AP1S2: variants seen among roughly 807,000 people sequenced by gnomAD.
AP1S2 encodes adaptor related protein complex 1 subunit sigma 2.
A neutral mutation model predicts 14.3 loss-of-function variants in AP1S2; 1 was observed. The observed-to-expected ratio is 0.07, with a 90% confidence interval of 0.02 to 0.33. The LOEUF (loss-of-function observed/expected upper bound fraction) is 0.33, where lower values mean the gene tolerates loss of function less well. AP1S2 is among the 10% of genes least tolerant of loss of function. The pLI, the probability that AP1S2 is intolerant of heterozygous loss-of-function variation, is 0.99. For synonymous variants in AP1S2, 30 were observed against 40.5 expected, an observed-to-expected ratio of 0.74 and a Z score of 0.99; for missense variants, 30 against 117.7, an observed-to-expected ratio of 0.25 and a Z score of 3.45.
chrX:15,843,332 G>A (rs902081020), intron 4 of AP1S2, among the ~76,000 whole-genome samples: 3 of 111,672 alleles, frequency 2.7e-5, no homozygotes, highest in Non-Finnish European at 5.6e-5. Flanking sequence ...AAGGGGGACG[G>A]ATCATTTGAG....
intron 2 of AP1S2, among the ~76,000 whole-genome samples, chrX:15,850,219 CTTAA>C (rs1934131720): frequency 9.0e-6 from 1 of 111,684 alleles, no homozygotes. Context: ...TCAGGCTTCT[CTTAA>C]TGAAAGTCAC....
chrX:15,831,141 C>T (rs372527340), intron 4 of AP1S2: 2 of 734,566 alleles, frequency 2.7e-6, no homozygotes. Context: ...CTTATTTTGA[C>T]CTAGCACTTC....
At chrX:15,835,841 A>G (rs1413869204) in intron 4 of AP1S2, among the ~76,000 whole-genome samples, 1 of 111,027 alleles carries the variant, frequency 9.0e-6, no homozygotes, top group African/African-American at 3.3e-5. Flanking sequence ...ACACTTCTGG[A>G]AAAAAGAGCA....
Position 15,838,446 on chromosome X carries a change from G to A in AP1S2, c.426+6933C>T, listed in dbSNP as rs1370487430. ...AGGAAACAAAAGAAAATGTCAGTAGGTGAAAAAAGGACTCAAACGTGACAT... is the reference window on the plus strand; with the variant it reads ...AGGAAACAAAAGAAAATGTCAGTAGATGAAAAAAGGACTCAAACGTGACAT... On this transcript the variant is annotated intron_variant, in intron 4 of 5. Transcript: ENST00000672987. Among the ~76,000 whole-genome samples, 3 of 109,790 alleles carry A rather than the reference G, an allele frequency of 2.7e-5. No homozygotes were observed. In the East Asian group the frequency reaches 8.5e-4, roughly 31 times the overall value.
chrX:15,837,924 T>A (rs772505239), intron 4 of AP1S2, among the ~76,000 whole-genome samples: 20 of 111,549 alleles, frequency 1.8e-4, no homozygotes, highest in Non-Finnish European at 2.8e-4. Context: ...TTTTTATAGC[T>A]ATTTGTATGT....
At chrX:15,837,925 A>G (rs1377425836) in intron 4 of AP1S2, among the ~76,000 whole-genome samples, 1 of 111,107 alleles carries the variant, frequency 9.0e-6, no homozygotes, top group East Asian at 2.8e-4. Flanking sequence ...TTTTATAGCT[A>G]TTTGTATGTT....
At chrX:15,829,584 A>C (rs1431718536) in intron 4 of AP1S2, among the ~76,000 whole-genome samples, 1 of 111,948 alleles carries the variant, frequency 8.9e-6, no homozygotes, top group East Asian at 2.8e-4. Context: ...CCTTTCTAAA[A>C]GGCCTAGTTT....
At chrX:15,839,222 A>G (rs1405318424) in intron 4 of AP1S2, among the ~76,000 whole-genome samples, 1 of 112,019 alleles carries the variant, frequency 8.9e-6, no homozygotes, top group Non-Finnish European at 1.9e-5. Flanking sequence ...GCTGGCAATA[A>G]AAGACTATAG....
chrX:15,854,717 C>T lies in AP1S2; in HGVS notation c.-30G>A. 1.3e-6 allele frequency: 1 copy of T among 794,256 alleles called. No individual in the cohort carries two copies. The highest frequency in any genetic ancestry group is 6.4e-4 in the Middle Eastern group (1 of 1,568). The allele number at this position is 794,256 out of a possible 1,213,427, so 65.5% of individuals were successfully genotyped here. A position where few individuals can be genotyped will look rare whatever the true frequency, so the allele number is the denominator to read the frequency against. ...GCCGCGGGCCGCGGGCGCGGCGGAG[C>T]TTGGCCGGCGGCGGCGGCGGCGGCG... On this transcript the variant is annotated 5_prime_UTR_variant, in exon 1 of 6. Transcript: ENST00000672987.
intron 4 of AP1S2, chrX:15,840,719 A>C (rs1404448540): frequency 3.5e-6 from 1 of 284,478 alleles, no homozygotes; most frequent in Admixed American, 5.5e-5. Flanking sequence ...ACCACCCCCC[A>C]CCATATCCCT....
intron 4 of AP1S2, among the ~76,000 whole-genome samples, chrX:15,829,200 A>G (rs988698404): frequency 5.4e-5 from 6 of 111,746 alleles, no homozygotes; most frequent in Non-Finnish European, 7.5e-5. Flanking sequence ...GTTTTTTAAG[A>G]AAGTCCAGTG....
Position 15,832,117 on chromosome X carries a change from T to A in AP1S2, c.427-3917A>T, listed in dbSNP as rs764484656. The A allele has an allele frequency of 1.5e-3, 1,155 of 749,656 alleles. 3 individuals carry two copies. Among genetic ancestry groups the A allele is most frequent in the Non-Finnish European group, 1.8e-3 (1,120 of 636,539 alleles). The allele number at this position is 749,656 out of a possible 1,213,427, so 61.8% of individuals were successfully genotyped here. A position where few individuals can be genotyped will look rare whatever the true frequency, so the allele number is the denominator to read the frequency against. On this transcript the variant is annotated intron_variant, in intron 4 of 5. Transcript: ENST00000672987. Reference sequence around the variant, plus strand: ...ACTGAGACTGAGGATATTACTTTTTTAAAAATCCTCAAGACAGATTTTAAC... The same window carrying A: ...ACTGAGACTGAGGATATTACTTTTTAAAAAATCCTCAAGACAGATTTTAAC...
chrX:15,829,515 T>C (rs766802119), intron 4 of AP1S2, among the ~76,000 whole-genome samples: 3 of 111,687 alleles, frequency 2.7e-5, no homozygotes, highest in East Asian at 5.6e-4. Context: ...CAATCTTATA[T>C]AGCATTTCCT....
intron 4 of AP1S2, chrX:15,845,120 A>C (rs1396883810): frequency 2.7e-6 from 2 of 752,557 alleles, no homozygotes; most frequent in East Asian, 3.0e-4. Context: ...CTAAAGGTTT[A>C]GACTCCAGTG....
intron 4 of AP1S2, among the ~76,000 whole-genome samples, chrX:15,842,251 T>C (rs1201858300): frequency 8.9e-6 from 1 of 112,552 alleles, no homozygotes; most frequent in Non-Finnish European, 1.9e-5. Flanking sequence ...TGTAAACTTG[T>C]ATCATGCATC....
At position 15,826,663 on chromosome X, in the gene AP1S2, A is replaced by C. The variant is rs1323971588; in HGVS notation, c.*662T>G. The C allele has an allele frequency of 9.0e-6, 1 of 110,825 alleles. No individual in the cohort carries two copies. Among genetic ancestry groups the C allele is most frequent in the Non-Finnish European group, 1.9e-5 (1 of 52,886 alleles). The allele number at this position is 110,825 out of a possible 1,213,427, so 9.1% of individuals were successfully genotyped here. On this transcript the variant is annotated 3_prime_UTR_variant, in exon 6 of 6. Coordinates refer to ENST00000672987, the MANE Select transcript of AP1S2 (RefSeq NM_001272071.2). Reference sequence around the variant, plus strand: ...CCTTGGCCTTAAAAATTATGTGCTTACTATTGTGAAACAATCCTGTTTCTC... The same window carrying C: ...CCTTGGCCTTAAAAATTATGTGCTTCCTATTGTGAAACAATCCTGTTTCTC...
At chrX:15,847,144 T>C (rs1934022321) in intron 2 of AP1S2, among the ~76,000 whole-genome samples, 2 of 111,856 alleles carry the variant, frequency 1.8e-5, no homozygotes, top group Non-Finnish European at 3.8e-5. Flanking sequence ...TAATGTAAAA[T>C]AATACTGTAT....
At chrX:15,829,704 G>A (rs1010055021) in intron 4 of AP1S2, among the ~76,000 whole-genome samples, 1 of 111,944 alleles carries the variant, frequency 8.9e-6, no homozygotes, top group Non-Finnish European at 1.9e-5. Context: ...CACTGAAATT[G>A]TAGCTCAAAA....
intron 4 of AP1S2, among the ~76,000 whole-genome samples, chrX:15,836,286 C>T (rs939821839): frequency 4.5e-5 from 5 of 111,866 alleles, no homozygotes; most frequent in Non-Finnish European, 9.4e-5. Flanking sequence ...CTTTTAAGTG[C>T]TCCTCTTTGC....
Sources: gnomAD v4.1 joint callset for allele counts (sites outside exome capture counted in the v4.1 genomes callset) on GRCh38, gnomAD v4.1.1 for gene constraint, MANE v1.5 for transcripts, NCBI Gene and HGNC (gene_info 2026-07-23, HGNC 2026-07-21) for gene names.